Variants in ZNF512 observed in about 807,000 individuals in gnomAD.
ZNF512 encodes zinc finger protein 512.
ZNF512 carries 25 observed loss-of-function variants against 77.5 expected under a neutral mutation model. The observed-to-expected ratio is 0.32, with a 90% CI of 0.23 to 0.45. ZNF512 has a LOEUF of 0.45. Among genes scored for constraint, ZNF512 ranks in the 20% least tolerant of loss-of-function variants. The pLI, the probability that ZNF512 is intolerant of heterozygous loss-of-function variation, is 1.00. For synonymous variants in ZNF512, 246 were observed against 239.9 expected (o/e 1.03, Z -0.24); for missense variants, 483 against 692.6 (o/e 0.70, Z 3.40).
At chr2:27,612,747 A>T (rs1290405124) in intron 10 of ZNF512, among the ~76,000 whole-genome samples, 3 of 152,172 alleles carry the variant, frequency 2.0e-5, no homozygotes, top group Non-Finnish European at 4.4e-5. Context: ...GTATTTGCGT[A>T]TACTTCTTTT....
rs76585281 is a variant in ZNF512, at chr2:27,596,547, T to C, written c.90-1520T>C. On this transcript the variant is annotated intron_variant, in intron 2 of 13. Transcript: ENST00000355467. ...GCTCTGCAAGTGGGGTTCATCCTCA[T>C]TGCAAATTCTTACTTGAGGGAAAAA... 5.3e-5 allele frequency among the ~76,000 whole-genome samples: 8 copies of C among 152,338 alleles called. No individual in the cohort carries two copies. The East Asian group carries it at 1.3e-3, about 26-fold the overall frequency.
chr2:27,610,570 T>TA (rs1558474909), intron 10 of ZNF512, among the ~76,000 whole-genome samples: 5 of 14,428 alleles, frequency 3.5e-4, no homozygotes, highest in Non-Finnish European at 4.6e-4. Flanking sequence ...ATATATATAT[T>TA]TTTTTTTTTT....
At chr2:27,603,590 A>ATT (rs757868678) in intron 9 of ZNF512, among the ~76,000 whole-genome samples, 18 of 85,654 alleles carry the variant, frequency 2.1e-4, no homozygotes, top group Admixed American at 7.1e-4. Flanking sequence ...GTGTGTGTAT[A>ATT]TTTTTTTTTT....
intron 9 of ZNF512, among the ~76,000 whole-genome samples, chr2:27,605,860 A>G (rs1413713307): frequency 1.3e-5 from 2 of 152,368 alleles, no homozygotes; most frequent in Admixed American, 6.5e-5. Context: ...TGATTAATGT[A>G]TATTTAACTT....
At chr2:27,604,468 GTAACCACTA>G in intron 9 of ZNF512, among the ~76,000 whole-genome samples, 1 of 90,546 alleles carries the variant, frequency 1.1e-5, no homozygotes, top group Non-Finnish European at 2.8e-5. Flanking sequence ...ATACAGTCAT[GTAACCACTA>G]TCACACTCAA....
intron 13 of ZNF512, among the ~76,000 whole-genome samples, chr2:27,618,528 T>C (rs185572410): frequency 1.2e-4 from 19 of 152,326 alleles, no homozygotes; most frequent in Non-Finnish European, 2.4e-4. Context: ...TAGGCAGATA[T>C]ATGCCAAAGT....
intron 2 of ZNF512, among the ~76,000 whole-genome samples, chr2:27,593,543 C>A (rs536539613): frequency 6.6e-6 from 1 of 152,228 alleles, no homozygotes; most frequent in East Asian, 1.9e-4. Context: ...ATCACTTGAG[C>A]CAGAGAGGTC....
chr2:27,618,014 C>G (rs1672961471), intron 13 of ZNF512, among the ~76,000 whole-genome samples: 1 of 151,494 alleles, frequency 6.6e-6, no homozygotes, highest in African/African-American at 2.4e-5. Context: ...TCACTGCAAC[C>G]TCCACCTCTC....
intron 2 of ZNF512, among the ~76,000 whole-genome samples, chr2:27,586,214 T>TTTGTTGTTG (rs70953868): frequency 0.25 from 37,702 of 149,400 alleles, 5,159 homozygotes; most frequent in East Asian, 0.4. Context: ...CCATCAAGTC[T>TTTGTTGTTG]TTGTTGTTGT....
At chr2:27,620,369 T>G (rs367677011) in intron 13 of ZNF512, among the ~76,000 whole-genome samples, 1 of 152,218 alleles carries the variant, frequency 6.6e-6, no homozygotes, top group Non-Finnish European at 1.5e-5. Context: ...TTTTTACAAA[T>G]TTGCCATTTA....
At position 27,622,971 on chromosome 2, in the gene ZNF512, C is replaced by T. The variant is rs1673183847; in HGVS notation, c.*1510C>T. The T allele has an allele frequency of 6.5e-6, 1 of 152,690 alleles. No homozygotes were observed. Among genetic ancestry groups the T allele is most frequent in the East Asian group, 1.9e-4 (1 of 5,336 alleles). 9.5% of individuals were successfully genotyped at this position (152,690 alleles called of 1,614,324 possible). ...TCTGCATTTTCATTGGCAGTGTGCC[C>T]TTAAAGCCCTTTCAGTAGATGAGGG... On this transcript the variant is annotated 3_prime_UTR_variant, in exon 14 of 14. Transcript: ENST00000355467.
In ZNF512 at chr2:27,606,997, A is replaced by C. The variant is rs1672395189; in HGVS notation, c.937-848A>C. On this transcript the variant is annotated intron_variant, in intron 9 of 13. Transcript: ENST00000355467. The stretch of plus-strand genomic sequence containing the variant: ...ATTCCCTGGCTCATGGCTGTCTTCA[A>C]GTCAGAGACAGCAGGTTGGATGTCT... Among the ~76,000 whole-genome samples, 3 of 152,222 alleles carry C rather than the reference A, an allele frequency of 2.0e-5. No homozygotes were observed. In the South Asian group the frequency reaches 6.2e-4, roughly 32 times the overall value.
At chr2:27,616,361 C>T in intron 12 of ZNF512, 37 bp downstream of exon 12, 1 of 1,508,770 alleles carries the variant, frequency 6.6e-7, no homozygotes, top group Non-Finnish European at 9.2e-7. Flanking sequence ...TTAACATGTC[C>T]TCTAAAATAG....
At chr2:27,612,387 T>G (rs1672705117) in intron 10 of ZNF512, among the ~76,000 whole-genome samples, 1 of 152,158 alleles carries the variant, frequency 6.6e-6, no homozygotes. Context: ...TATTTAGAAG[T>G]GAACATTTAA....
At chr2:27,601,735 G>A (rs1233240027) in intron 7 of ZNF512, among the ~76,000 whole-genome samples, 2 of 152,070 alleles carry the variant, frequency 1.3e-5, no homozygotes, top group Non-Finnish European at 2.9e-5. Flanking sequence ...CGCAACCTCC[G>A]CCTCCTGGGT....
intron 9 of ZNF512, among the ~76,000 whole-genome samples, chr2:27,606,533 TG>T (rs1286157960): frequency 1.3e-5 from 2 of 152,080 alleles, no homozygotes; most frequent in Non-Finnish European, 2.9e-5. Context: ...GGCTAATTTT[TG>T]TATTTTTAGT....
chr2:27,590,764 C>T (rs1359797338), intron 2 of ZNF512, among the ~76,000 whole-genome samples: 1 of 152,052 alleles, frequency 6.6e-6, no homozygotes, highest in African/African-American at 2.4e-5. Flanking sequence ...ATCCTCCCAC[C>T]TCAGCCTCCC....
intron 6 of ZNF512, 69 bp downstream of exon 6, chr2:27,600,884 T>C: frequency 6.4e-7 from 1 of 1,559,462 alleles, no homozygotes; most frequent in Non-Finnish European, 8.7e-7. Context: ...TTTTGCTATG[T>C]TGGATATGCT....
Position 27,621,516 on chromosome 2 carries a change from G to A in ZNF512, c.*55G>A, listed in dbSNP as rs920126889. 2.0e-6 allele frequency: 3 copies of A among 1,522,056 alleles called. No individual in the cohort carries two copies. The highest frequency in any genetic ancestry group is 1.4e-5 in the African/African-American group (1 of 73,034). The allele number at this position is 1,522,056 out of a possible 1,614,324, so 94.3% of individuals were successfully genotyped here. On this transcript the variant is annotated 3_prime_UTR_variant, in exon 14 of 14. Transcript: ENST00000355467. Reference sequence around the variant, plus strand: ...GCAGATGTGATGCTGTTGTCACGGGGACCTGTGCTGGGAGGACTGAGTGAA... The same window carrying A: ...GCAGATGTGATGCTGTTGTCACGGGAACCTGTGCTGGGAGGACTGAGTGAA...
Sources: allele counts gnomAD v4.1 joint callset (sites outside exome capture counted in the v4.1 genomes callset), GRCh38; gene constraint gnomAD v4.1.1; transcripts MANE v1.5; gene names NCBI Gene and HGNC (gene_info 2026-07-23, HGNC 2026-07-21).